The following SH3D21 variants were observed in gnomAD, a reference collection of about 807,000 sequenced individuals.
The protein encoded by SH3D21 is SH3 domain-containing protein 21.
SH3D21 carries 83 observed loss-of-function variants against 82.1 expected under a neutral mutation model. That is an observed-to-expected ratio of 1.01 (90% CI 0.85 to 1.21). The LOEUF (loss-of-function observed/expected upper bound fraction) is 1.21. SH3D21 is among the 50% of genes most tolerant of loss of function. The probability of loss-of-function intolerance (pLI) is 0.00; values close to 1 mark genes in which losing one functional copy is unlikely to be tolerated. For synonymous variants in SH3D21, 383 were observed against 387.8 expected (o/e 0.99, Z 0.15); for missense variants, 980 against 962.1 (o/e 1.02, Z -0.25).
chr1:36,310,233 C>T (rs957479532), intron 10 of SH3D21, among the ~76,000 whole-genome samples: 14 of 152,158 alleles, frequency 9.2e-5, no homozygotes, highest in Non-Finnish European at 1.5e-4. Flanking sequence ...GGACTACAAG[C>T]GTGAGCCACT....
At chr1:36,322,688 G>A (rs768316044), downstream of SH3D21, 259 of 1,547,304 alleles carry the variant, frequency 1.7e-4, no homozygotes, top group Non-Finnish European at 2.2e-4. Flanking sequence ...CGAAGCAGAC[G>A]CCCAGCACGA....
chr1:36,311,148 A>G (rs1353276743), intron 10 of SH3D21, among the ~76,000 whole-genome samples: 1 of 152,124 alleles, frequency 6.6e-6, no homozygotes, highest in African/African-American at 2.4e-5. Context: ...AGCTCAGGCA[A>G]TCCGCTTGCC....
intron 9 of SH3D21, 48 bp downstream of exon 9, chr1:36,308,523 G>A (rs1270566010): frequency 6.6e-7 from 1 of 1,506,624 alleles, no homozygotes. Flanking sequence ...GGCTATTTTG[G>A]ACAAAGGTGG....
chr1:36,324,830 ATTG>A (rs1262920472), downstream of SH3D21: 1 of 152,100 alleles, frequency 6.6e-6, no homozygotes, highest in African/African-American at 2.4e-5. Context: ...GTATTTGAGT[ATTG>A]TTGTGGGGGC....
At chr1:36,309,150 G>A (rs373046805) in intron 9 of SH3D21, among the ~76,000 whole-genome samples, 22 of 151,898 alleles carry the variant, frequency 1.4e-4, no homozygotes, top group East Asian at 9.7e-4. Flanking sequence ...CACTTAAGGC[G>A]TTATGTTGGT....
downstream of SH3D21, chr1:36,323,683 G>A (rs1570415241): frequency 2.0e-5 from 3 of 152,196 alleles, no homozygotes; most frequent in South Asian, 6.2e-4. Context: ...GGGAGGCGGG[G>A]AGGAAAAGGG....
In SH3D21 at chr1:36,319,982, C is replaced by G; in HGVS notation, c.1319C>G (p.Thr440Ser). The G allele has an allele frequency of 6.2e-7, 1 of 1,614,182 alleles. No individual in the cohort carries two copies. Among genetic ancestry groups the G allele is most frequent in the Non-Finnish European group, 8.5e-7 (1 of 1,180,042 alleles). Residue 440 changes from threonine (T) to serine (S), a missense_variant, in exon 14 of 16, where the codon ACT becomes AGT. Physicochemically the swap from Thr to Ser is moderately conservative, Grantham distance 58 (BLOSUM62 1). Transcript: ENST00000453908. ...ENSIIPEETLTVDKPSTPERV... is the reference protein window; with the variant it reads ...ENSIIPEETLSVDKPSTPERV... The stretch of plus-strand genomic sequence containing the variant: ...TCCATCATCCCAGAGGAGACCCTGA[C>G]TGTGGACAAACCCTCCACTCCAGAG...
rs1442065821 is a variant in SH3D21, at chr1:36,319,570, C to G, written c.1011+34C>G. The G allele has an allele frequency of 1.9e-6, 3 of 1,551,298 alleles. No individual in the cohort carries two copies. In the East Asian group the frequency reaches 7.3e-5, roughly 38 times the overall value. On this transcript the variant is annotated intron_variant, in intron 13 of 15. Transcript: ENST00000453908. Reference sequence around the variant, plus strand: ...CGGGAGACATGGGAGAGTGGGGATGCTGGGCAGAGGCTGGTTCCCAGCTGT... The same window carrying G: ...CGGGAGACATGGGAGAGTGGGGATGGTGGGCAGAGGCTGGTTCCCAGCTGT...
chr1:36,312,323 A>G (rs1029784645), intron 10 of SH3D21, among the ~76,000 whole-genome samples: 3 of 152,178 alleles, frequency 2.0e-5, no homozygotes, highest in Admixed American at 2.0e-4. Context: ...GCACACGGCC[A>G]TAAGACCATA....
chr1:36,322,427 C>T, downstream of SH3D21: 1 of 1,602,906 alleles, frequency 6.2e-7, no homozygotes, highest in Non-Finnish European at 8.5e-7. Flanking sequence ...CCAGCCGCTG[C>T]GCCCGCTCCA....
At chr1:36,308,790 C>T (rs2124673447) in intron 9 of SH3D21, among the ~76,000 whole-genome samples, 1 of 152,208 alleles carries the variant, frequency 6.6e-6, no homozygotes, top group South Asian at 2.1e-4. Flanking sequence ...CAAGACTAGC[C>T]TGGCCAACAT....
rs139174122 is a variant in SH3D21 at position 36,310,967 on chromosome 1, G to T, written c.769+1377G>T. 1.6e-3 allele frequency among the ~76,000 whole-genome samples: 249 copies of T among 151,926 alleles called. 1 individual carries two copies. Among genetic ancestry groups the T allele is most frequent in the Non-Finnish European group, 3.1e-3 (209 of 67,968 alleles). ...TCTGTTGCCCAGGCTGGAGTGCAGT[G>T]GCACAGTCTCCCCTCACTGCAACCT... On this transcript the variant is annotated intron_variant, in intron 10 of 15. Transcript: ENST00000453908.
At chr1:36,310,949 C>A (rs1646227881) in intron 10 of SH3D21, among the ~76,000 whole-genome samples, 1 of 151,932 alleles carries the variant, frequency 6.6e-6, no homozygotes, top group African/African-American at 2.4e-5. Flanking sequence ...CTCTCTGTTG[C>A]CCAGGCTGGA....
Position 36,306,534 on chromosome 1 carries a change from C to G in SH3D21, c.5-64C>G, listed in dbSNP as rs1646123291. Reference sequence around the variant, plus strand: ...TCTACGGTGCTTGGGGACACGCCCGCCCTAGCCAGGCTGCCCGGCTGGGCC... The same window carrying G: ...TCTACGGTGCTTGGGGACACGCCCGGCCTAGCCAGGCTGCCCGGCTGGGCC... On this transcript the variant is annotated intron_variant, in intron 1 of 15. Coordinates refer to ENST00000453908, the MANE Select transcript of SH3D21 (RefSeq NM_001162530.2). The surrounding 1 kb of genome is among the most constrained non-coding windows in gnomAD (Gnocchi z 4.5). The G allele has an allele frequency of 7.7e-7, 1 of 1,302,918 alleles. No individual in the cohort carries two copies. The highest frequency in any genetic ancestry group is 2.3e-5 in the Admixed American group (1 of 43,470). The allele number at this position is 1,302,918 out of a possible 1,614,324, so 80.7% of individuals were successfully genotyped here.
chr1:36,329,321 A>T (rs1646572389), downstream of SH3D21: 1 of 152,208 alleles, frequency 6.6e-6, no homozygotes, highest in African/African-American at 2.4e-5. Context: ...TGAATTTGGT[A>T]AAGTTCTGAA....
At chr1:36,312,947 T>C (rs528875387) in intron 10 of SH3D21, among the ~76,000 whole-genome samples, 2 of 151,942 alleles carry the variant, frequency 1.3e-5, no homozygotes, top group Non-Finnish European at 2.9e-5. Context: ...CTCCTGACTT[T>C]GTGGTCTGCC....
chr1:36,321,264 G>A lies in SH3D21; in HGVS notation c.*137G>A. 1.4e-6 allele frequency: 2 copies of A among 1,462,732 alleles called. No individual in the cohort carries two copies. The highest frequency in any genetic ancestry group is 2.8e-5 in the South Asian group (2 of 71,396). 90.6% of individuals were successfully genotyped at this position (1,462,732 alleles called of 1,614,324 possible). On this transcript the variant is annotated 3_prime_UTR_variant, in exon 16 of 16. Coordinates refer to ENST00000453908, the MANE Select transcript of SH3D21 (RefSeq NM_001162530.2). The surrounding 1 kb of genome is among the most constrained non-coding windows in gnomAD (Gnocchi z 6.1). ...GGTCTGGTCGCTGGGGGCGGGGCCTGCGCGGGGGCAGGGCCTGGGCCTCCG... is the reference window on the plus strand; with the variant it reads ...GGTCTGGTCGCTGGGGGCGGGGCCTACGCGGGGGCAGGGCCTGGGCCTCCG...
rs1646420841 is a variant in SH3D21 at position 36,320,126 on chromosome 1, C to T, written c.1463C>T (p.Pro488Leu). 4 of 1,614,020 alleles carry T rather than the reference C, an allele frequency of 2.5e-6. No homozygotes were observed. The highest frequency in any genetic ancestry group is 3.4e-6 in the Non-Finnish European group (4 of 1,180,032). Reference sequence around the variant, plus strand: ...CCCACTCTAGAAAAGGTCTTGACCCCAGAGCTTTCTGAAGAAGAGGTGTCC... The same window carrying T: ...CCCACTCTAGAAAAGGTCTTGACCCTAGAGCTTTCTGAAGAAGAGGTGTCC... The part of the protein sequence containing the change: ...EAPTLEKVLT[P>L]ELSEEEVSTR... The change falls in exon 14 of 16, where the codon CCA (proline) becomes CTA (leucine). Residue 488 changes from proline to leucine, a missense_variant. Transcript: ENST00000453908.
At chr1:36,323,126 C>T (rs1646496607), downstream of SH3D21, 1 of 1,430,436 alleles carries the variant, frequency 7.0e-7, no homozygotes, top group Non-Finnish European at 9.4e-7. Context: ...CGACCCCTTC[C>T]GCGGGCAGCT....
Sources: allele counts gnomAD v4.1 joint callset (sites outside exome capture counted in the v4.1 genomes callset), GRCh38; gene constraint gnomAD v4.1.1; non-coding constraint Gnocchi (gnomAD v3.1); transcripts MANE v1.5; gene names NCBI Gene and HGNC (gene_info 2026-07-23, HGNC 2026-07-21).